Variants in TOPBP1 observed in about 807,000 individuals in gnomAD.
TOPBP1 encodes the protein DNA topoisomerase II binding protein 1.
Under a neutral mutation model 167.7 loss-of-function variants are expected in TOPBP1, and 28 were observed. The observed-to-expected ratio is 0.17, with a 90% CI of 0.12 to 0.23. The LOEUF (loss-of-function observed/expected upper bound fraction) is 0.23, where lower values mean the gene tolerates loss of function less well. Ranked by LOEUF, TOPBP1 falls within the 10% of genes least tolerant of loss-of-function variation. The pLI is 1.00. For synonymous variants in TOPBP1, 598 were observed against 611.4 expected (o/e 0.98, Z 0.32); for missense variants, 1,554 against 1,809.6 (o/e 0.86, Z 2.56).
At chr3:133,634,530 A>C (rs571476768) in intron 14 of TOPBP1, among the ~76,000 whole-genome samples, 1 of 152,272 alleles carries the variant, frequency 6.6e-6, no homozygotes, top group Admixed American at 6.5e-5. Flanking sequence ...AAAAAAGATA[A>C]AAGATAAAAG....
chr3:133,608,756 T>C (rs1934579526), intron 26 of TOPBP1, 60 bp from the exon 27 acceptor site: 1 of 1,591,186 alleles, frequency 6.3e-7, no homozygotes, highest in Non-Finnish European at 8.6e-7. Context: ...TTCAGCTGTA[T>C]AATGTGTACT....
chr3:133,608,324 A>T (rs1028707691), intron 27 of TOPBP1, among the ~76,000 whole-genome samples: 10 of 152,308 alleles, frequency 6.6e-5, no homozygotes, highest in East Asian at 5.8e-4. Context: ...TACTCTTCTC[A>T]TATTTAACTT....
At chr3:133,652,668 A>C (rs1327002656) in intron 7 of TOPBP1, 39 bp from the exon 8 acceptor site, 2 of 1,496,648 alleles carry the variant, frequency 1.3e-6, no homozygotes, top group Non-Finnish European at 1.8e-6. Flanking sequence ...TGGGAGATAA[A>C]ATAATCATGA....
At chr3:133,616,983 TTC>T in intron 22 of TOPBP1, 58 bp from the exon 23 acceptor site, 1 of 1,278,582 alleles carries the variant, frequency 7.8e-7, no homozygotes, top group Non-Finnish European at 1.1e-6. Flanking sequence ...AGATACACAG[TTC>T]TTTTATAGTG....
intron 10 of TOPBP1, among the ~76,000 whole-genome samples, chr3:133,645,744 C>T (rs139793353): frequency 0.014 from 2,097 of 152,276 alleles, 21 homozygotes; most frequent in Non-Finnish European, 0.023. Context: ...TCATAATAAA[C>T]TAACATGTTC....
chr3:133,630,816 T>G (rs1354845783), intron 14 of TOPBP1, among the ~76,000 whole-genome samples: 3 of 152,208 alleles, frequency 2.0e-5, no homozygotes, highest in Non-Finnish European at 4.4e-5. Flanking sequence ...ATGTTATAGT[T>G]AGGCCTTCCC....
rs769363723 is a variant in TOPBP1, at chr3:133,643,239, T to C, written c.1982A>G (p.Lys661Arg). 1.3e-5 allele frequency: 21 copies of C among 1,606,210 alleles called. No homozygotes were observed. The South Asian group carries it at 2.3e-4, about 18-fold the overall frequency. ...ISFSQCAGAEKESLTFLANLL... is the reference protein window; with the variant it reads ...ISFSQCAGAERESLTFLANLL... ...GTTTGCTAGGAATGTTAAAGACTCT[T>C]TTTCTGCTCCAGCACACTGGCTAAA... Residue 661 changes from lysine (K) to arginine (R), a missense_variant, in exon 12 of 28, where the codon AAA (lysine) becomes AGA (arginine). By Grantham distance (26) the Lys-to-Arg change is conservative (BLOSUM62 2). Around this residue, in one of 3 missense-constraint regions of TOPBP1, gnomAD observed 1,197 missense variants for 1,351.5 expected, o/e 0.89. Transcript: ENST00000260810.
chr3:133,622,308 A>AGTAGCTGGAATTACT (rs1935120727), intron 19 of TOPBP1, among the ~76,000 whole-genome samples: 1 of 148,346 alleles, frequency 6.7e-6, no homozygotes, highest in African/African-American at 2.5e-5. Context: ...CTCCTGCCTC[A>AGTAGCTGGAATTACT]GCCTCCCGAG....
intron 10 of TOPBP1, among the ~76,000 whole-genome samples, chr3:133,645,340 T>C (rs1936038425): frequency 6.6e-6 from 1 of 152,186 alleles, no homozygotes; most frequent in Non-Finnish European, 1.5e-5. Context: ...AGCTGGGTTC[T>C]AGTTTTATAG....
intron 13 of TOPBP1, 144 bp downstream of exon 13, chr3:133,639,815 G>T: frequency 1.4e-6 from 1 of 713,770 alleles, no homozygotes; most frequent in Non-Finnish European, 2.3e-6. Flanking sequence ...TACATCTGTA[G>T]ACTTCGAACA....
At chr3:133,624,014 C>G in intron 17 of TOPBP1, 38 bp downstream of exon 17, 1 of 1,588,556 alleles carries the variant, frequency 6.3e-7, no homozygotes, top group Non-Finnish European at 8.6e-7. Context: ...TATACATTTT[C>G]AATTAACAGA....
In TOPBP1 at chr3:133,615,780, C is replaced by G. The variant is rs377302696; in HGVS notation, c.3871+1034G>C. 2.0e-5 allele frequency among the ~76,000 whole-genome samples: 3 copies of G among 151,196 alleles called. No homozygotes were observed. In the East Asian group the frequency reaches 5.8e-4, roughly 29 times the overall value. On this transcript the variant is annotated intron_variant, in intron 23 of 27. Transcript: ENST00000260810. ...AGTTCATTTCACTTGTTTCATTTTA[C>G]TTTTTATTTTTGAGATGGGGTCTCA... is the stretch of plus-strand genomic sequence containing the variant.
intron 12 of TOPBP1, among the ~76,000 whole-genome samples, chr3:133,642,112 C>T (rs968739481): frequency 6.6e-6 from 1 of 152,086 alleles, no homozygotes; most frequent in African/African-American, 2.4e-5. Flanking sequence ...GCCTTAGCCT[C>T]CCGAGTAGCT....
chr3:133,632,130 C>T (rs969303630), intron 14 of TOPBP1, among the ~76,000 whole-genome samples: 3 of 151,786 alleles, frequency 2.0e-5, no homozygotes, highest in African/African-American at 4.8e-5. Flanking sequence ...TAAAGTTGGA[C>T]GTGGTGGCTC....
At position 133,638,153 on chromosome 3, in the gene TOPBP1, A is replaced by C; in HGVS notation, c.2243T>G (p.Leu748Trp). The change falls in exon 14 of 28, where the codon TTG becomes TGG. Residue 748 changes from leucine (L) to tryptophan (W), a missense_variant. Physicochemically the swap from Leu to Trp is moderately conservative, Grantham distance 61. Transcript: ENST00000260810. ...IENSTKEERS[L>W]ETEITNGINL... is the part of the protein sequence containing the mutation. ...GATTCCATTTGTTATTTCTGTTTCCAAACTTCGTTCTAGAGATTTAAAATG... is the reference window on the plus strand; with the variant it reads ...GATTCCATTTGTTATTTCTGTTTCCCAACTTCGTTCTAGAGATTTAAAATG... 6.2e-7 allele frequency: 1 copy of C among 1,612,974 alleles called. No homozygotes were observed. Among genetic ancestry groups the C allele is most frequent in the Non-Finnish European group, 8.5e-7 (1 of 1,179,134 alleles).
At position 133,614,816 on chromosome 3, in the gene TOPBP1, G is replaced by A. The variant is rs544953470; in HGVS notation, c.3871+1998C>T. 6.7e-3 allele frequency among the ~76,000 whole-genome samples: 927 copies of A among 139,318 alleles called. 3 individuals carry two copies. The highest frequency in any genetic ancestry group is 0.019 in the African/African-American group (747 of 38,522). The allele number at this position is 139,318 out of a possible 152,430, so 91.4% of individuals were successfully genotyped here. ...TAAGAAGAAACAGTTTTTCCACACC[G>A]GGGCCTGTCCTGGGGTGGGGGGAGG... On this transcript the variant is annotated intron_variant, in intron 23 of 27. Transcript: ENST00000260810.
chr3:133,618,560 T>TA, intron 20 of TOPBP1, 127 bp from the exon 21 acceptor site: 1 of 693,618 alleles, frequency 1.4e-6, no homozygotes, highest in Non-Finnish European at 2.3e-6. Context: ...CAGTATGCAT[T>TA]AAAAATATTA....
At chr3:133,602,384 C>T (rs1326929930) in intron 27 of TOPBP1, among the ~76,000 whole-genome samples, 1 of 152,186 alleles carries the variant, frequency 6.6e-6, no homozygotes, top group East Asian at 1.9e-4. Flanking sequence ...GCACTCCAAA[C>T]TAAAGTTAGT....
chr3:133,644,290 GTGAGTAGAATCATTCAAGGGCTCAGCA>G lies in TOPBP1; in HGVS notation c.1551_1577del (p.Ala518_His526del). On this transcript the variant is annotated inframe_deletion, in exon 11 of 28. Coordinates refer to ENST00000260810, the MANE Select transcript of TOPBP1 (RefSeq NM_007027.4). ...ACTGGTTTTCTTCTTGCAAAGAAAT[GTGAGTAGAATCATTCAAGGGCTCAGCA>G]TGAGTAGAATCATTAAAGGGCCTGG... The G allele has an allele frequency of 6.2e-7, 1 of 1,613,722 alleles. No individual in the cohort carries two copies. The highest frequency in any genetic ancestry group is 8.5e-7 in the Non-Finnish European group (1 of 1,179,772).
Sources: allele counts gnomAD v4.1 joint callset (sites outside exome capture counted in the v4.1 genomes callset), GRCh38; gene constraint gnomAD v4.1.1; regional missense constraint gnomAD v4.1.1; transcripts MANE v1.5; gene names NCBI Gene and HGNC (gene_info 2026-07-23, HGNC 2026-07-21).